Variants in MYH6 observed in about 807,000 individuals in gnomAD.
The protein encoded by MYH6 is myosin heavy chain 6.
A neutral mutation model predicts 223.2 loss-of-function variants in MYH6; 126 were observed. The observed-to-expected ratio is 0.56, with a 90% confidence interval of 0.49 to 0.65. The LOEUF (loss-of-function observed/expected upper bound fraction) is 0.65, where lower values mean the gene tolerates loss of function less well. Ranked by LOEUF, MYH6 falls within the 30% of genes least tolerant of loss-of-function variation. The probability of loss-of-function intolerance (pLI) is 0.00; values close to 1 mark genes in which losing one functional copy is unlikely to be tolerated. For missense variants in MYH6, 2,040 were observed against 2,536.4 expected (o/e 0.80, Z 4.20); for synonymous variants, 978 against 1,010.2 (o/e 0.97, Z 0.61).
intron 34 of MYH6, 89 bp from the exon 35 acceptor site, chr14:23,385,130 T>A: frequency 6.4e-7 from 1 of 1,564,878 alleles, no homozygotes; most frequent in South Asian, 1.1e-5. Flanking sequence ...TTAAAGGTGG[T>A]CATTTTTTTT....
intron 13 of MYH6, 30 bp from the exon 14 acceptor site, chr14:23,400,456 C>A (rs1566513746): frequency 6.2e-7 from 1 of 1,613,934 alleles, no homozygotes. Context: ...TGGGAGCAGT[C>A]AGAAAGTGGG....
In MYH6 at chr14:23,392,929, C is replaced by T. The variant is rs149682518; in HGVS notation, c.3234G>A (p.Leu1078=). 78 of 1,614,094 alleles carry T rather than the reference C, an allele frequency of 4.8e-5. No individual in the cohort carries two copies. In the African/African-American group the frequency reaches 1.0e-3, roughly 21 times the overall value. ...TCTCCTACTTCTTAAGCTTTTCTTC[C>T]AGCTGCAGTTTATCATTTTCCAGGT... is the stretch of plus-strand genomic sequence containing the variant. ...IMDLENDKLQ[L]EEKLKKKEFD... The change falls in exon 24 of 39, where the codon CTG becomes CTA. Residue 1078 remains leucine (L), a synonymous_variant. Transcript: ENST00000405093.
At chr14:23,383,204 G>C in intron 37 of MYH6, 21 bp downstream of exon 37, 1 of 1,597,160 alleles carries the variant, frequency 6.3e-7, no homozygotes. Flanking sequence ...GATGAGAAAG[G>C]GAAGAAAGCT....
chr14:23,397,479 C>A, intron 16 of MYH6, 64 bp downstream of exon 16: 1 of 1,557,538 alleles, frequency 6.4e-7, no homozygotes, highest in Non-Finnish European at 8.9e-7. Flanking sequence ...ATAGGTGGTG[C>A]AGCCAGAAGT....
chr14:23,399,125 TG>T, intron 14 of MYH6, 88 bp from the exon 15 acceptor site: 1 of 1,531,700 alleles, frequency 6.5e-7, no homozygotes, highest in Non-Finnish European at 9.0e-7. Context: ...AAAAGGAATC[TG>T]GAGCCAGTAG....
intron 3 of MYH6, among the ~76,000 whole-genome samples, chr14:23,406,413 C>A (rs1055017188): frequency 6.6e-6 from 1 of 152,124 alleles, no homozygotes; most frequent in East Asian, 1.9e-4. Flanking sequence ...AGTCAAAAGC[C>A]CCAGGGGATT....
chr14:23,401,004 G>T lies in MYH6; in HGVS notation c.1142-27C>A, dbSNP rs369788685. On this transcript the variant is annotated intron_variant, in intron 12 of 38. Transcript: ENST00000405093. ...TGGTTGAGAGGGAAAGGATAAGTGA[G>T]CACTTCCTTTTTTTTTTTTTAAGAT... 4.1e-5 allele frequency: 66 copies of T among 1,609,950 alleles called. No homozygotes were observed. The African/African-American group carries it at 7.3e-4, about 18-fold the overall frequency.
rs186410325 is a variant in MYH6 at position 23,404,031 on chromosome 14, C to G, written c.736-253G>C. Among the ~76,000 whole-genome samples the G allele has an allele frequency of 1.6e-4, 25 of 152,322 alleles. No homozygotes were observed. The East Asian group carries it at 4.4e-3, about 27-fold the overall frequency. On this transcript the variant is annotated intron_variant, in intron 8 of 38. Transcript: ENST00000405093. ...GCTCATACCTCTCATATGATCTCAC[C>G]TAATCCTCCCAGTAATCTGCAGGGT...
Position 23,387,668 on chromosome 14 carries a change from G to A in MYH6, c.4526-15C>T, listed in dbSNP as rs1278423127. On this transcript the variant is annotated splice_polypyrimidine_tract_variant and intron_variant, in intron 31 of 38. Transcript: ENST00000405093. ...CGAGATTTCCTCTGGGGACCAGAGG[G>A]CCAGAAAGCTCAAAGCCTATGTTCC... The A allele has an allele frequency of 6.2e-7, 1 of 1,614,060 alleles. No individual in the cohort carries two copies. The highest frequency in any genetic ancestry group is 8.5e-7 in the Non-Finnish European group (1 of 1,180,002).
rs55907025 is a variant in MYH6 at position 23,397,932 on chromosome 14, C to CTCTTCTTCTTCTTCT, written c.1892-334_1892-320dup. Among the ~76,000 whole-genome samples, 81 of 90,218 alleles carry CTCTTCTTCTTCTTCT rather than the reference C, an allele frequency of 9.0e-4. 3 individuals carry two copies. The highest frequency in any genetic ancestry group is 2.3e-3 in the East Asian group (6 of 2,630). The allele number at this position is 90,218 out of a possible 152,430, so 59.2% of individuals were successfully genotyped here. A position where few individuals can be genotyped will look rare whatever the true frequency, so the allele number is the denominator to read the frequency against. On this transcript the variant is annotated intron_variant, in intron 15 of 38. Transcript: ENST00000405093. ...AGTTCTCCTCCTCCTCCTCCTCCTC[C>CTCTTCTTCTTCTTCT]TCTTCTTCTTCTTCTTCTTCTTCTT...
intron 38 of MYH6, 41 bp from the exon 39 acceptor site, chr14:23,382,104 A>C (rs779573854): frequency 6.3e-7 from 1 of 1,574,962 alleles, no homozygotes; most frequent in South Asian, 1.1e-5. Context: ...AGCTGGCAAG[A>C]GGGAGAAGTG....
In MYH6 at chr14:23,388,989, A is replaced by T. The variant is rs771192855; in HGVS notation, c.4045T>A (p.Tyr1349Asn). Residue 1349 changes from tyrosine to asparagine, a missense_variant, in exon 29 of 39, where the codon TAC becomes AAC. By Grantham distance (143) the Tyr-to-Asn change is moderately radical. This residue lies in a region of MYH6 where 1,203 missense variants were observed against 1,400.2 expected (regional missense o/e 0.86). Transcript: ENST00000405093. ...RHDCDLLREQ[Y>N]EEETEAKAEL... ...GCCTTGGCCTCTGTCTCCTCCTCGT[A>T]CTGCTCCCGCAGCAGGTCGCAGTCA... is the stretch of plus-strand genomic sequence containing the variant. 3 of 1,606,324 alleles carry T rather than the reference A, an allele frequency of 1.9e-6. No individual in the cohort carries two copies. Among genetic ancestry groups the T allele is most frequent in the Admixed American group, 1.7e-5 (1 of 59,670 alleles).
intron 22 of MYH6, 37 bp from the exon 23 acceptor site, chr14:23,393,555 A>T (rs1393009134): frequency 1.2e-6 from 2 of 1,613,876 alleles, no homozygotes; most frequent in African/African-American, 2.7e-5. Context: ...AGGGTCAAAG[A>T]TCACCAGCCT....
In MYH6 at chr14:23,383,339, G is replaced by GGGGGCCCCCCCCCC; in HGVS notation, c.5566-20_5566-19insGGGGGGGGGGCCCC. The GGGGGCCCCCCCCCC allele has an allele frequency of 1.8e-5, 2 of 108,180 alleles. No individual in the cohort carries two copies. The highest frequency in any genetic ancestry group is 3.7e-5 in the Non-Finnish European group (2 of 54,368). 6.7% of individuals were successfully genotyped at this position (108,180 alleles called of 1,614,324 possible). A position where few individuals can be genotyped will look rare whatever the true frequency, so the allele number is the denominator to read the frequency against. On this transcript the variant is annotated intron_variant, in intron 36 of 38. Coordinates refer to ENST00000405093, the MANE Select transcript of MYH6 (RefSeq NM_002471.4). ...CCTCTGTCTGGGGGTGGGAGGGTGG[G>GGGGGCCCCCCCCCC]AGAAGCTGGTTTGGAGGGGGAGCAA...
In MYH6 at chr14:23,407,736, A is replaced by C. The variant is rs1891833261; in HGVS notation, c.-46-128T>G. On this transcript the variant is annotated intron_variant, in intron 1 of 38. Coordinates refer to ENST00000405093, the MANE Select transcript of MYH6 (RefSeq NM_002471.4). The surrounding 1 kb of genome is among the most constrained non-coding windows in gnomAD (Gnocchi z 5.6). ...AGGCAGCCCCAGAGCGCAGACAGGC[A>C]GGACAGACCAGGGAGTCAGAAAGGG... The C allele has an allele frequency of 1.9e-6, 1 of 513,674 alleles. No homozygotes were observed. The highest frequency in any genetic ancestry group is 2.6e-6 in the Non-Finnish European group (1 of 383,920). The allele number at this position is 513,674 out of a possible 1,614,324, so 31.8% of individuals were successfully genotyped here.
At position 23,398,935 on chromosome 14, in the gene MYH6, T is replaced by C; in HGVS notation, c.1684A>G (p.Asn562Asp). The part of the protein sequence containing the change: ...KLYDNHLGKS[N>D]NFQKPRNIKG... Reference sequence around the variant, plus strand: ...ATGTTGCGTGGCTTCTGGAAATTGTTGGACTTGCCCAGGTGGTTGTCGTAC... The same window carrying C: ...ATGTTGCGTGGCTTCTGGAAATTGTCGGACTTGCCCAGGTGGTTGTCGTAC... The change falls in exon 15 of 39, where the codon AAC becomes GAC. Residue 562 changes from asparagine to aspartate, a missense_variant. Coordinates refer to ENST00000405093, the MANE Select transcript of MYH6 (RefSeq NM_002471.4). The C allele has an allele frequency of 6.2e-7, 1 of 1,614,180 alleles. No homozygotes were observed. The highest frequency in any genetic ancestry group is 8.5e-7 in the Non-Finnish European group (1 of 1,180,024).
chr14:23,384,973 C>T lies in MYH6; in HGVS notation c.5232G>A (p.Glu1744=), dbSNP rs1386717355. The T allele has an allele frequency of 6.2e-7, 1 of 1,614,130 alleles. No individual in the cohort carries two copies. ...CGTTTCTGCACTCCTGCACTGCCTC[C>T]TCCACTTCCGACTGGAGCTGGGTCA... The part of the protein sequence containing the change: ...SDLTQLQSEV[E]EAVQECRNAE... The change falls in exon 35 of 39, where the codon GAG becomes GAA. Residue 1744 remains glutamate (E), a synonymous_variant. Transcript: ENST00000405093.
Position 23,389,729 on chromosome 14 carries a change from G to A in MYH6, c.3733-10C>T, listed in dbSNP as rs763878755. 8 of 1,614,064 alleles carry A rather than the reference G, an allele frequency of 5.0e-6. 1 individual carries two copies. In the South Asian group the frequency reaches 7.7e-5, roughly 16 times the overall value. On this transcript the variant is annotated splice_polypyrimidine_tract_variant and intron_variant, in intron 26 of 38. Coordinates refer to ENST00000405093, the MANE Select transcript of MYH6 (RefSeq NM_002471.4). ...CTTTCTCCAGGTTTGCCTTCAGGAA[G>A]CAAGACAGGAAGGGTGAGTGTGGGA...
rs145023897 is a variant in MYH6 at position 23,405,305 on chromosome 14, G to T, written c.420C>A (p.Ala140=). Residue 140 remains alanine, a synonymous_variant, in exon 5 of 39, where the codon GCC becomes GCA. Transcript: ENST00000405093. The surrounding 1 kb of genome is among the most constrained non-coding windows in gnomAD (Gnocchi z 4.7). ...CACTCCTCTTCTTGCCCCGGTAGGC[G>T]GCCACCACCTCGGCATTGTACACCG... ...WLPVYNAEVV[A]AYRGKKRSEA... The T allele has an allele frequency of 1.9e-6, 3 of 1,614,036 alleles. No individual in the cohort carries two copies. Among genetic ancestry groups the T allele is most frequent in the Non-Finnish European group, 2.5e-6 (3 of 1,180,006 alleles).
Sources: allele counts gnomAD v4.1 joint callset (sites outside exome capture counted in the v4.1 genomes callset), GRCh38; gene constraint gnomAD v4.1.1; regional missense constraint gnomAD v4.1.1; non-coding constraint Gnocchi (gnomAD v3.1); transcripts MANE v1.5; gene names NCBI Gene and HGNC (gene_info 2026-07-23, HGNC 2026-07-21).